Variants in USP32 observed in about 807,000 individuals in gnomAD.
USP32 encodes ubiquitin specific peptidase 32, also known as ubiquitin carboxyl-terminal hydrolase 32.
In USP32, 59 loss-of-function variants were observed where a neutral mutation model predicts 204.8. That is an observed-to-expected ratio of 0.29 (90% CI 0.23 to 0.36). The LOEUF (loss-of-function observed/expected upper bound fraction) is 0.36, where lower values mean the gene tolerates loss of function less well. USP32 is among the 10% of genes least tolerant of loss of function. The probability of loss-of-function intolerance (pLI) is 1.00; values close to 1 mark genes in which losing one functional copy is unlikely to be tolerated. For missense variants in USP32, 1,160 were observed against 1,946.4 expected (o/e 0.60, Z 7.60); for synonymous variants, 517 against 678.4 (o/e 0.76, Z 3.70).
At chr17:60,393,220 T>TC (rs1419559165), upstream of USP32, among the ~76,000 whole-genome samples, 1 of 152,208 alleles carries the variant, frequency 6.6e-6, no homozygotes, top group Non-Finnish European at 1.5e-5. Context: ...GACTTTCTCT[T>TC]TTGTGACTGG....
chr17:60,290,274 T>G (rs1372551438), intron 4 of USP32, among the ~76,000 whole-genome samples: 1 of 152,218 alleles, frequency 6.6e-6, no homozygotes, highest in East Asian at 1.9e-4. Flanking sequence ...AACACTCCCA[T>G]TTTTAGAAAA....
chr17:60,278,867 T>G (rs1598185028), intron 5 of USP32, among the ~76,000 whole-genome samples: 1 of 152,310 alleles, frequency 6.6e-6, no homozygotes, highest in Non-Finnish European at 1.5e-5. Flanking sequence ...AAAGTCTGAT[T>G]AAAACTAATC....
At chr17:60,412,885 T>C (rs1488823776) in intron 1 of USP32, among the ~76,000 whole-genome samples, 1 of 152,170 alleles carries the variant, frequency 6.6e-6, no homozygotes, top group Non-Finnish European at 1.5e-5. Context: ...GAGGAAATCA[T>C]TAGGCCCCAG....
intron 1 of USP32, among the ~76,000 whole-genome samples, chr17:60,351,713 C>G (rs2088955504): frequency 6.6e-6 from 1 of 152,186 alleles, no homozygotes; most frequent in Admixed American, 6.5e-5. Context: ...CAGGCGTGAG[C>G]CACCAAGCCC....
Position 60,223,129 on chromosome 17 carries a change from A to G in USP32, c.1608+282T>C, listed in dbSNP as rs914159047. 8.5e-5 allele frequency among the ~76,000 whole-genome samples: 13 copies of G among 152,238 alleles called. 1 individual carries two copies. Among genetic ancestry groups the G allele is most frequent in the African/African-American group, 3.1e-4 (13 of 41,470 alleles). On this transcript the variant is annotated intron_variant, in intron 14 of 33. Transcript: ENST00000300896. ...TTTCTTTCAAACAATAAAAAATACT[A>G]GTTTGGAAAAAAAAATTCATACATA...
At chr17:60,295,908 C>T (rs2087416506) in intron 3 of USP32, among the ~76,000 whole-genome samples, 1 of 151,942 alleles carries the variant, frequency 6.6e-6, no homozygotes, top group Non-Finnish European at 1.5e-5. Context: ...CAGATCTGTG[C>T]AGATAAGGGG....
chr17:60,274,093 C>T (rs2086788732), intron 5 of USP32, among the ~76,000 whole-genome samples: 1 of 150,872 alleles, frequency 6.6e-6, no homozygotes, highest in African/African-American at 2.4e-5. Context: ...CATGCCTATA[C>T]TAAGGAAAGA....
intron 25 of USP32, among the ~76,000 whole-genome samples, chr17:60,206,414 T>C (rs570257412): frequency 1.1e-4 from 17 of 149,554 alleles, no homozygotes; most frequent in Non-Finnish European, 2.5e-4. Flanking sequence ...GACTGGTGGA[T>C]ACTGTATTGG....
intron 1 of USP32, among the ~76,000 whole-genome samples, chr17:60,368,083 C>G (rs1488670787): frequency 6.6e-6 from 1 of 152,116 alleles, no homozygotes; most frequent in Non-Finnish European, 1.5e-5. Context: ...AACCAATTCC[C>G]CACAGACACC....
chr17:60,179,000 C>A lies in USP32; in HGVS notation c.*255G>T, dbSNP rs1418793206. 5.2e-6 allele frequency: 2 copies of A among 388,318 alleles called. No individual in the cohort carries two copies. The highest frequency in any genetic ancestry group is 9.2e-6 in the Non-Finnish European group (2 of 216,868). 24.1% of individuals were successfully genotyped at this position (388,318 alleles called of 1,614,324 possible). On this transcript the variant is annotated 3_prime_UTR_variant, in exon 34 of 34. Coordinates refer to ENST00000300896, the MANE Select transcript of USP32 (RefSeq NM_032582.4). The stretch of plus-strand genomic sequence containing the variant: ...TTATTTGGTCCCAGGTGGCTGGTGC[C>A]AAACCTTTTGTTTACAGGCTAATGG...
chr17:60,336,015 C>T (rs970132908), intron 2 of USP32, among the ~76,000 whole-genome samples: 1 of 142,946 alleles, frequency 7.0e-6, no homozygotes, highest in Admixed American at 6.8e-5. Flanking sequence ...CTACACTAGT[C>T]ATGTCAGTAG....
At chr17:60,269,260 CA>C (rs1380844275) in intron 7 of USP32, among the ~76,000 whole-genome samples, 189 bp downstream of exon 7, 2 of 152,052 alleles carry the variant, frequency 1.3e-5, no homozygotes, top group African/African-American at 4.8e-5. Flanking sequence ...CAAACTATTC[CA>C]TAGTAAAAAA....
upstream of USP32, among the ~76,000 whole-genome samples, chr17:60,394,905 G>A (rs890327196): frequency 1.3e-5 from 2 of 151,922 alleles, no homozygotes; most frequent in Non-Finnish European, 2.9e-5. Context: ...CATCCCGCCC[G>A]GCTAATTTTT....
intron 7 of USP32, among the ~76,000 whole-genome samples, chr17:60,266,534 G>A (rs898935834): frequency 9.9e-5 from 15 of 152,138 alleles, no homozygotes; most frequent in Admixed American, 7.9e-4. Context: ...TGTCGCCCAG[G>A]CTAGAGTGCA....
intron 10 of USP32, among the ~76,000 whole-genome samples, chr17:60,254,409 G>A (rs2086242265): frequency 6.6e-6 from 1 of 152,098 alleles, no homozygotes; most frequent in South Asian, 2.1e-4. Context: ...GGTATACTTT[G>A]AAAAACTTGG....
intron 30 of USP32, among the ~76,000 whole-genome samples, chr17:60,184,944 C>T (rs1474210955): frequency 6.6e-6 from 1 of 152,130 alleles, no homozygotes; most frequent in African/African-American, 2.4e-5. Context: ...GTCTCCTAAT[C>T]CATGAAGGGA....
chr17:60,184,064 C>A (rs193204), intron 30 of USP32, among the ~76,000 whole-genome samples: 151,979 of 152,098 alleles, frequency 1, 75,932 homozygotes, highest in Middle Eastern at 1. Context: ...AGGCGGGTGG[C>A]TCATGAGGTC....
chr17:60,326,603 T>C (rs547468917), intron 2 of USP32, among the ~76,000 whole-genome samples: 1 of 152,306 alleles, frequency 6.6e-6, no homozygotes, highest in Admixed American at 6.5e-5. Context: ...CCGGCCATGG[T>C]TTATTTTCTC....
intron 1 of USP32, chr17:60,421,273 C>A: frequency 1.3e-6 from 1 of 769,638 alleles, no homozygotes; most frequent in Non-Finnish European, 1.6e-6. Flanking sequence ...ACAATAACAA[C>A]AAGACGTTTG....
Sources: allele counts gnomAD v4.1 joint callset (sites outside exome capture counted in the v4.1 genomes callset), GRCh38; gene constraint gnomAD v4.1.1; transcripts MANE v1.5; gene names NCBI Gene and HGNC (gene_info 2026-07-23, HGNC 2026-07-21).